The following HACL1 variants were observed in gnomAD, a reference collection of about 807,000 sequenced individuals.
The protein encoded by HACL1 is 2-hydroxyacyl-CoA lyase 1, also known as 1600020H07Rik.
A neutral mutation model predicts 74.2 loss-of-function variants in HACL1; 64 were observed. The ratio of observed to expected loss-of-function variants is 0.86; its 90% CI spans 0.70 to 1.06. The LOEUF (loss-of-function observed/expected upper bound fraction) is 1.06, where lower values mean the gene tolerates loss of function less well. HACL1 is among the 50% of genes least tolerant of loss of function. HACL1 has a pLI of 0.00. For missense variants in HACL1, 728 were observed against 719.7 expected (o/e 1.01, Z -0.13); for synonymous variants, 230 against 238.8 (o/e 0.96, Z 0.34).
rs781569571 is a variant in HACL1 at position 15,568,418 on chromosome 3, T to C, written c.1250+14A>G. ...ATAATGAATTACGACTTCTTTCTTCTTTAGAAGTCTTACCTGTGACGAGGA... is the reference window on the plus strand; with the variant it reads ...ATAATGAATTACGACTTCTTTCTTCCTTAGAAGTCTTACCTGTGACGAGGA... On this transcript the variant is annotated intron_variant, in intron 13 of 16. Transcript: ENST00000321169. 2 of 1,508,132 alleles carry C rather than the reference T, an allele frequency of 1.3e-6. No individual in the cohort carries two copies. Among genetic ancestry groups the C allele is most frequent in the Non-Finnish European group, 1.8e-6 (2 of 1,103,878 alleles). The allele number at this position is 1,508,132 out of a possible 1,614,324, so 93.4% of individuals were successfully genotyped here. A position where few individuals can be genotyped will look rare whatever the true frequency, so the allele number is the denominator to read the frequency against.
chr3:15,574,835 A>G, intron 10 of HACL1, 142 bp downstream of exon 10: 1 of 481,742 alleles, frequency 2.1e-6, no homozygotes, highest in Non-Finnish European at 3.8e-6. Context: ...TAATTATGTT[A>G]GACAATTTGT....
At chr3:15,571,314 A>G (rs2125237944) in intron 12 of HACL1, among the ~76,000 whole-genome samples, 1 of 152,246 alleles carries the variant, frequency 6.6e-6, no homozygotes, top group Non-Finnish European at 1.5e-5. Context: ...CACTTCCACT[A>G]TTATGACTTT....
intron 14 of HACL1, 86 bp downstream of exon 14, chr3:15,567,758 A>C: frequency 7.9e-7 from 1 of 1,258,888 alleles, no homozygotes; most frequent in Non-Finnish European, 1.2e-6. Flanking sequence ...TGAACGCTTC[A>C]TAAGTATTTG....
At chr3:15,593,861 G>C (rs1016669322) in intron 3 of HACL1, among the ~76,000 whole-genome samples, 1 of 139,754 alleles carries the variant, frequency 7.2e-6, no homozygotes, top group Non-Finnish European at 1.5e-5. Flanking sequence ...GCAATGGTGT[G>C]ATCTCGGCTC....
In HACL1 at chr3:15,593,829, T is replaced by C. The variant is rs774123770; in HGVS notation, c.228-2149A>G. On this transcript the variant is annotated intron_variant, in intron 3 of 16. Transcript: ENST00000321169. ...TTTTTTTTTTTGAGACGAAGTCTCG[T>C]TCTTGTTCCCCAGGCTGCAGTGCAA... is the stretch of plus-strand genomic sequence containing the variant. Among the ~76,000 whole-genome samples, 202 of 149,018 alleles carry C rather than the reference T, an allele frequency of 1.4e-3. 1 individual carries two copies. The highest frequency in any genetic ancestry group is 2.6e-3 in the Non-Finnish European group (173 of 67,374).
chr3:15,589,025 G>C (rs1202389935), intron 5 of HACL1, among the ~76,000 whole-genome samples: 2 of 152,140 alleles, frequency 1.3e-5, no homozygotes, highest in Non-Finnish European at 2.9e-5. Flanking sequence ...TTGTTTCTAA[G>C]CAGGGCCTAA....
intron 9 of HACL1, among the ~76,000 whole-genome samples, 186 bp from the exon 10 acceptor site, chr3:15,575,268 A>T (rs912013723): frequency 2.0e-5 from 3 of 152,168 alleles, no homozygotes; most frequent in African/African-American, 7.2e-5. Flanking sequence ...ATAAATAGTT[A>T]TCTAAAATAT....
chr3:15,595,513 T>TA (rs555871828), intron 3 of HACL1, among the ~76,000 whole-genome samples: 310 of 151,648 alleles, frequency 2.0e-3, no homozygotes, highest in African/African-American at 7.0e-3. Flanking sequence ...AAATTCTGCT[T>TA]AAAAAATACA....
chr3:15,564,784 C>A, intron 14 of HACL1, 126 bp from the exon 15 acceptor site: 4 of 534,440 alleles, frequency 7.5e-6, no homozygotes, highest in Non-Finnish European at 1.3e-5. Context: ...TAGAGGAAGA[C>A]TAAAAATCAA....
chr3:15,595,695 C>T (rs1036519986), intron 3 of HACL1, among the ~76,000 whole-genome samples: 1 of 150,304 alleles, frequency 6.7e-6, no homozygotes, highest in Admixed American at 6.6e-5. Context: ...CTGCAACCTC[C>T]GCCTCCTGGG....
chr3:15,567,366 C>T (rs894689491), intron 14 of HACL1, among the ~76,000 whole-genome samples: 4 of 151,256 alleles, frequency 2.6e-5, no homozygotes, highest in South Asian at 2.1e-4. Context: ...TGCATCACTG[C>T]GTCTGGCTAA....
intron 9 of HACL1, 34 bp downstream of exon 9, chr3:15,579,876 A>C (rs901278778): frequency 3.4e-6 from 5 of 1,460,966 alleles, no homozygotes; most frequent in Admixed American, 2.3e-5. Flanking sequence ...AAATCTACCA[A>C]GCCATTGTAT....
chr3:15,573,035 T>C, intron 11 of HACL1, 124 bp downstream of exon 11: 2 of 607,890 alleles, frequency 3.3e-6, no homozygotes, highest in Non-Finnish European at 5.9e-6. Context: ...TTTTCAATCA[T>C]ACATTTTGTT....
chr3:15,580,045 C>T lies in HACL1; in HGVS notation c.668G>A (p.Gly223Asp), dbSNP rs369579837. ...AKQPLLIIGK[G>D]AAYAHAEESI... The stretch of plus-strand genomic sequence containing the variant: ...CTCTTCTGCATGAGCGTAAGCAGCA[C>T]CTATAAGAAATGCAAATGTATTGGA... Residue 223 changes from glycine to aspartate, a missense_variant and splice_region_variant, in exon 9 of 17, where the codon GGT becomes GAT. By Grantham distance (94) the Gly-to-Asp change is moderately conservative. Coordinates refer to ENST00000321169, the MANE Select transcript of HACL1 (RefSeq NM_012260.4). The T allele has an allele frequency of 1.7e-5, 27 of 1,611,230 alleles. No individual in the cohort carries two copies. The highest frequency in any genetic ancestry group is 3.3e-5 in the Admixed American group (2 of 59,762).
At chr3:15,567,024 T>C (rs1437021200) in intron 14 of HACL1, among the ~76,000 whole-genome samples, 3 of 151,856 alleles carry the variant, frequency 2.0e-5, no homozygotes, top group Non-Finnish European at 4.4e-5. Flanking sequence ...TTTACCATGC[T>C]GGCCAGACTG....
chr3:15,592,548 ACAT>A (rs1375025596), intron 3 of HACL1, among the ~76,000 whole-genome samples: 1 of 147,332 alleles, frequency 6.8e-6, no homozygotes, highest in Non-Finnish European at 1.5e-5. Context: ...ACATGTACGC[ACAT>A]GTGTGCGTGT....
intron 8 of HACL1, among the ~76,000 whole-genome samples, chr3:15,581,736 C>T (rs564914803): frequency 4.6e-5 from 7 of 152,184 alleles, no homozygotes; most frequent in African/African-American, 1.7e-4. Context: ...GTACACACCA[C>T]GCAAGAACAT....
At chr3:15,577,253 G>C (rs1380065962) in intron 9 of HACL1, among the ~76,000 whole-genome samples, 1 of 152,132 alleles carries the variant, frequency 6.6e-6, no homozygotes, top group Non-Finnish European at 1.5e-5. Flanking sequence ...GGGAGGCCAA[G>C]GTGGAAGGAT....
intron 3 of HACL1, among the ~76,000 whole-genome samples, chr3:15,595,659 G>C (rs370402943): frequency 1.4e-5 from 2 of 140,358 alleles, no homozygotes; most frequent in African/African-American, 5.3e-5. Flanking sequence ...ACCCAGGCTG[G>C]AGTGCAGTGG....
Sources: allele counts gnomAD v4.1 joint callset (sites outside exome capture counted in the v4.1 genomes callset), GRCh38; gene constraint gnomAD v4.1.1; transcripts MANE v1.5; gene names NCBI Gene and HGNC (gene_info 2026-07-23, HGNC 2026-07-21).